The following ADGRE2 variants were observed in gnomAD, a reference collection of about 807,000 sequenced individuals.
ADGRE2 encodes the protein adhesion G protein-coupled receptor E2, also known as CD97 antigen.
Under a neutral mutation model 100.8 loss-of-function variants are expected in ADGRE2, and 83 were observed. The observed-to-expected ratio is 0.82, with a 90% CI of 0.69 to 0.99. ADGRE2 has a LOEUF of 0.99. Among genes scored for constraint, ADGRE2 ranks in the 50% least tolerant of loss-of-function variants. The pLI, the probability that ADGRE2 is intolerant of heterozygous loss-of-function variation, is 0.00. For synonymous variants in ADGRE2, 355 were observed against 413.0 expected, an observed-to-expected ratio of 0.86 and a Z score of 1.70; for missense variants, 814 against 1,035.7, an observed-to-expected ratio of 0.79 and a Z score of 2.94.
At chr19:14,759,716 A>G (rs1439618557) in intron 11 of ADGRE2, among the ~76,000 whole-genome samples, 6 of 151,782 alleles carry the variant, frequency 4.0e-5, no homozygotes, top group Admixed American at 3.9e-4. Context: ...GCTGGGCTCA[A>G]ACTCCTGATG....
intron 20 of ADGRE2, among the ~76,000 whole-genome samples, chr19:14,736,722 A>G (rs923096369): frequency 6.9e-6 from 1 of 145,146 alleles, no homozygotes; most frequent in Non-Finnish European, 1.5e-5. Context: ...TTAGAAATAT[A>G]TAGATATTTA....
downstream of ADGRE2, among the ~76,000 whole-genome samples, chr19:14,730,430 T>TCCTTCCTTCTTTCCTTCCTC (rs2042660112): frequency 1.3e-5 from 2 of 151,328 alleles, no homozygotes; most frequent in African/African-American, 4.8e-5. Context: ...AGTCTGTCCT[T>TCCTTCCTTCTTTCCTTCCTC]CCTTCCTTCT....
chr19:14,772,572 C>A lies in ADGRE2; in HGVS notation c.200-75G>T, dbSNP rs45470893. ...CAGGGCAGAGACCCCCGTCCTGACT[C>A]CCCAACATGGGGCCTGCTGCTTAGT... On this transcript the variant is annotated intron_variant, in intron 4 of 20. Transcript: ENST00000315576. The A allele has an allele frequency of 6.5e-6, 10 of 1,547,348 alleles. No individual in the cohort carries two copies. In the African/African-American group the frequency reaches 1.4e-4, roughly 21 times the overall value.
chr19:14,763,998 C>A (rs1390708705), intron 11 of ADGRE2, among the ~76,000 whole-genome samples: 1 of 144,324 alleles, frequency 6.9e-6, no homozygotes, highest in Non-Finnish European at 1.5e-5. Context: ...TTTTCTTCCT[C>A]TTTATCCTCC....
Position 14,744,735 on chromosome 19 carries a change from G to A in ADGRE2, c.2184-951C>T, listed in dbSNP as rs377275930. On this transcript the variant is annotated intron_variant, in intron 18 of 20. Transcript: ENST00000315576. ...CTCCCAAAGTGTTAGGATTACAGGC[G>A]TGAGCCACCATGCCTGGCCCCCGTA... is the stretch of plus-strand genomic sequence containing the variant. Among the ~76,000 whole-genome samples, 5 of 152,002 alleles carry A rather than the reference G, an allele frequency of 3.3e-5. No homozygotes were observed. The East Asian group carries it at 5.8e-4, about 18-fold the overall frequency.
chr19:14,746,309 G>A lies in ADGRE2; in HGVS notation c.2106C>T (p.Leu702=). ...VCAIFSVNLV[L]FLVTLWILKN... is the part of the protein sequence containing the mutation. The stretch of plus-strand genomic sequence containing the variant: ...TCAAAATCCAGAGAGTCACCAGAAA[G>A]AGAACTAAATTCACCTTCAGAAAAC... The change falls in exon 18 of 21, where the codon CTC becomes CTT. Residue 702 remains leucine (L), a synonymous_variant. Transcript: ENST00000315576. 1 of 1,602,512 alleles carries A rather than the reference G, an allele frequency of 6.2e-7. No homozygotes were observed. Among genetic ancestry groups the A allele is most frequent in the South Asian group, 1.1e-5 (1 of 90,776 alleles).
chr19:14,749,156 A>G (rs1254017612), intron 16 of ADGRE2, among the ~76,000 whole-genome samples: 2 of 149,516 alleles, frequency 1.3e-5, no homozygotes, highest in African/African-American at 4.9e-5. Context: ...TCAAAGGTAA[A>G]TAATTAATCA....
At chr19:14,759,393 C>T (rs1350790173) in intron 11 of ADGRE2, among the ~76,000 whole-genome samples, 1 of 151,518 alleles carries the variant, frequency 6.6e-6, no homozygotes, top group East Asian at 1.9e-4. Context: ...TTGCTAACTG[C>T]CTAAATAATT....
At position 14,751,482 on chromosome 19, in the gene ADGRE2, C is replaced by G; in HGVS notation, c.1978G>C (p.Ala660Pro). The G allele has an allele frequency of 6.2e-7, 1 of 1,614,066 alleles. No individual in the cohort carries two copies. Among genetic ancestry groups the G allele is most frequent in the South Asian group, 1.1e-5 (1 of 91,076 alleles). ...VGYGVPAVTV[A>P]ISAASRPHLY... ...TGAGGCCTGGAGGCTGCAGAAATGG[C>G]CACTGTCACAGCTGGGACTCCGTAG... The change falls in exon 16 of 21, where the codon GCC becomes CCC. Residue 660 changes from alanine to proline, a missense_variant. Around this residue, in one of 5 missense-constraint regions of ADGRE2, gnomAD observed 569 missense variants for 692.7 expected, o/e 0.82. Coordinates refer to ENST00000315576, the MANE Select transcript of ADGRE2 (RefSeq NM_013447.4).
chr19:14,764,389 G>C (rs7253782), intron 11 of ADGRE2, 44 bp downstream of exon 11: 1 of 1,600,894 alleles, frequency 6.2e-7, no homozygotes, highest in Non-Finnish European at 8.5e-7. Flanking sequence ...GAAGGAGACA[G>C]AAAACATGCA....
At chr19:14,726,499 C>T in the ADGRE2 span, among the ~76,000 whole-genome samples, 1 of 152,120 alleles carries the variant, frequency 6.6e-6, no homozygotes, top group Non-Finnish European at 1.5e-5. Context: ...GAGAATTTTC[C>T]AAGTTTTTAT....
intron 1 of ADGRE2, among the ~76,000 whole-genome samples, chr19:14,778,000 G>T (rs1354732633): frequency 6.6e-6 from 1 of 152,164 alleles, no homozygotes; most frequent in Non-Finnish European, 1.5e-5. Flanking sequence ...AATCCTTTGG[G>T]TATATACCCA....
At chr19:14,764,636 G>T (rs1463641068) in intron 10 of ADGRE2, 26 bp from the exon 11 acceptor site, 2 of 1,595,720 alleles carry the variant, frequency 1.3e-6, no homozygotes, top group Admixed American at 3.5e-5. Flanking sequence ...CACAGACCTA[G>T]TGAGCCATGG....
At chr19:14,775,094 C>A (rs1049344404) in intron 2 of ADGRE2, among the ~76,000 whole-genome samples, 1 of 151,834 alleles carries the variant, frequency 6.6e-6, no homozygotes, top group Non-Finnish European at 1.5e-5. Flanking sequence ...TCTCCACCTC[C>A]TGGGTTCAAG....
At position 14,762,610 on chromosome 19, in the gene ADGRE2, G is replaced by A. The variant is rs950862646; in HGVS notation, c.1084+1823C>T. 5.7e-5 allele frequency among the ~76,000 whole-genome samples: 8 copies of A among 141,166 alleles called. No individual in the cohort carries two copies. In the South Asian group the frequency reaches 1.4e-3, roughly 25 times the overall value. 92.6% of individuals were successfully genotyped at this position (141,166 alleles called of 152,430 possible). A position where few individuals can be genotyped will look rare whatever the true frequency, so the allele number is the denominator to read the frequency against. On this transcript the variant is annotated intron_variant, in intron 11 of 20. Coordinates refer to ENST00000315576, the MANE Select transcript of ADGRE2 (RefSeq NM_013447.4). ...TATACTAGATTCTACCGAAACACAC[G>A]CTTTTAAAATTTTTTCTTATTTTTA...
At chr19:14,777,400 C>T (rs893148033) in intron 1 of ADGRE2, among the ~76,000 whole-genome samples, 9 of 152,208 alleles carry the variant, frequency 5.9e-5, no homozygotes, top group African/African-American at 1.9e-4. Flanking sequence ...GAGGGCGAGG[C>T]AGGAGGATCG....
rs1263575541 is a variant in ADGRE2, at chr19:14,766,992, G to C, written c.473C>G (p.Pro158Arg). The change falls in exon 6 of 21, where the codon CCG (proline) becomes CGG (arginine). Residue 158 changes from proline (P) to arginine (R), a missense_variant. By Grantham distance (103) the Pro-to-Arg change is moderately radical. Around this residue, in one of 5 missense-constraint regions of ADGRE2, gnomAD observed 69 missense variants for 75.3 expected, o/e 0.92. Transcript: ENST00000315576. ...LPGFKLKPED[P>R]KLCTDVNECT... ...GGGGCCTCTACCTGTGCAGAGCTTC[G>C]GGTCCTCAGGTTTGAGCTTGAAGCC... The C allele has an allele frequency of 1.7e-6, 2 of 1,171,234 alleles. No homozygotes were observed. Among genetic ancestry groups the C allele is most frequent in the Admixed American group, 4.9e-5 (2 of 40,468 alleles). The allele number at this position is 1,171,234 out of a possible 1,614,324, so 72.6% of individuals were successfully genotyped here.
At chr19:14,753,195 C>T (rs1023550154) in intron 14 of ADGRE2, among the ~76,000 whole-genome samples, 51 of 151,892 alleles carry the variant, frequency 3.4e-4, no homozygotes, top group Non-Finnish European at 2.2e-4. Context: ...GGTGTGGGCC[C>T]GTTAGGTTTT....
intron 1 of ADGRE2, 54 bp from the exon 2 acceptor site, chr19:14,776,981 C>T (rs1159032002): frequency 5.5e-6 from 5 of 902,068 alleles, no homozygotes; most frequent in Non-Finnish European, 7.0e-6. Flanking sequence ...GCGCTGCACA[C>T]ACACACACAC....
Sources: allele counts gnomAD v4.1 joint callset (sites outside exome capture counted in the v4.1 genomes callset), GRCh38; gene constraint gnomAD v4.1.1; regional missense constraint gnomAD v4.1.1; transcripts MANE v1.5; gene names NCBI Gene and HGNC (gene_info 2026-07-23, HGNC 2026-07-21).